Variants in NFATC2 observed in about 807,000 individuals in gnomAD.
The protein encoded by NFATC2 is nuclear factor of activated T-cells, cytoplasmic 2.
Under a neutral mutation model 87.3 loss-of-function variants are expected in NFATC2, and 22 were observed. The ratio of observed to expected loss-of-function variants is 0.25; its 90% CI spans 0.18 to 0.36. The LOEUF (loss-of-function observed/expected upper bound fraction) is 0.36. Ranked by LOEUF, NFATC2 falls within the 10% of genes least tolerant of loss-of-function variation. The pLI, the probability that NFATC2 is intolerant of heterozygous loss-of-function variation, is 1.00. For missense variants in NFATC2, 1,149 were observed against 1,259.1 expected (o/e 0.91, Z 1.32); for synonymous variants, 565 against 542.2 (o/e 1.04, Z -0.58).
chr20:51,527,567 G>T (rs928234606), intron 1 of NFATC2, among the ~76,000 whole-genome samples: 4 of 152,122 alleles, frequency 2.6e-5, no homozygotes, highest in Non-Finnish European at 5.9e-5. Flanking sequence ...ATGCCCCTAA[G>T]CACTTGGAAT....
chr20:51,492,776 T>C (rs759627042), intron 3 of NFATC2, among the ~76,000 whole-genome samples: 11 of 152,210 alleles, frequency 7.2e-5, no homozygotes, highest in African/African-American at 2.2e-4. Context: ...GCTCGGCCTG[T>C]CAAGAGGCGT....
At chr20:51,540,646 A>ATTTTTTTTTTTTTTTTTT (rs1382525277) in intron 1 of NFATC2, among the ~76,000 whole-genome samples, 2 of 58,654 alleles carry the variant, frequency 3.4e-5, no homozygotes, top group South Asian at 4.2e-4. Context: ...CAAAAACTGA[A>ATTTTTTTTTTTTTTTTTT]GTTTTTTTTT....
At chr20:51,508,245 G>A (rs1047877852) in intron 3 of NFATC2, among the ~76,000 whole-genome samples, 3 of 152,014 alleles carry the variant, frequency 2.0e-5, no homozygotes, top group African/African-American at 4.8e-5. Context: ...GTTAGCAGGC[G>A]GGCCGGTCTC....
intron 10 of NFATC2, among the ~76,000 whole-genome samples, 180 bp downstream of exon 10, chr20:51,398,463 G>T (rs1987556551): frequency 6.6e-6 from 1 of 152,156 alleles, no homozygotes. Context: ...AGATTCTCAG[G>T]GAGGTCCCCA....
At chr20:51,520,644 T>C (rs2076429515) in intron 2 of NFATC2, among the ~76,000 whole-genome samples, 1 of 150,854 alleles carries the variant, frequency 6.6e-6, no homozygotes. Context: ...TTATTTATTT[T>C]TATTTATTAT....
intron 9 of NFATC2, among the ~76,000 whole-genome samples, chr20:51,417,009 A>C (rs557839216): frequency 2.6e-5 from 4 of 152,298 alleles, no homozygotes; most frequent in African/African-American, 9.6e-5. Context: ...GAAGGAGTGA[A>C]AAGGCAGGGG....
intron 1 of NFATC2, among the ~76,000 whole-genome samples, chr20:51,540,647 G>GTTTTCTTTTTTTTTTTT (rs2076793173): frequency 8.9e-6 from 1 of 112,974 alleles, no homozygotes; most frequent in East Asian, 2.5e-4. Flanking sequence ...AAAAACTGAA[G>GTTTTCTTTTTTTTTTTT]TTTTTTTTTT....
At chr20:51,440,231 C>A (rs1227637111) in intron 6 of NFATC2, among the ~76,000 whole-genome samples, 3 of 34,938 alleles carry the variant, frequency 8.6e-5, no homozygotes, top group African/African-American at 2.5e-4. Context: ...AGCAAAACTC[C>A]ATCTCAAAAA....
chr20:51,401,544 TGTCA>T (rs1465365952), intron 9 of NFATC2, among the ~76,000 whole-genome samples: 1 of 152,112 alleles, frequency 6.6e-6, no homozygotes, highest in Non-Finnish European at 1.5e-5. Flanking sequence ...GCTGGTCAGT[TGTCA>T]GTAATATGGA....
intron 4 of NFATC2, among the ~76,000 whole-genome samples, chr20:51,475,249 G>A (rs1203653697): frequency 1.3e-5 from 2 of 152,080 alleles, no homozygotes; most frequent in African/African-American, 2.4e-5. Flanking sequence ...GATTACAGGC[G>A]CGAGCCACCA....
chr20:51,471,913 AT>A (rs1430149410), intron 5 of NFATC2, among the ~76,000 whole-genome samples: 1 of 152,216 alleles, frequency 6.6e-6, no homozygotes, highest in Non-Finnish European at 1.5e-5. Flanking sequence ...ACCATGGCAC[AT>A]GTTTACCTGT....
intron 5 of NFATC2, among the ~76,000 whole-genome samples, chr20:51,464,887 T>C (rs1987521342): frequency 6.6e-6 from 1 of 152,184 alleles, no homozygotes; most frequent in South Asian, 2.1e-4. Context: ...CAAGCTCACT[T>C]CTCCATGCTA....
rs767970949 is a variant in NFATC2 at position 51,407,881 on chromosome 20, G to A, written c.2723-9151C>T. Among the ~76,000 whole-genome samples the A allele has an allele frequency of 5.9e-4, 90 of 152,166 alleles. 1 individual carries two copies. Among genetic ancestry groups the A allele is most frequent in the Non-Finnish European group, 1.2e-3 (84 of 68,028 alleles). On this transcript the variant is annotated intron_variant, in intron 9 of 10. Transcript: ENST00000371564. ...TCTCCATCCTGAGCTTATTTCATAT[G>A]CCAACTGGGACATGGCTAGAAATTG...
At chr20:51,443,813 G>A (rs1004606219) in intron 6 of NFATC2, among the ~76,000 whole-genome samples, 4 of 152,158 alleles carry the variant, frequency 2.6e-5, no homozygotes, top group East Asian at 1.9e-4. Flanking sequence ...ACTGGCAGCC[G>A]GTGTGAAAAC....
chr20:51,454,621 G>A lies in NFATC2; in HGVS notation c.1776C>T (p.Gly592=), dbSNP rs146686251. ...RQDTDSCLVY[G]GQQMILTGQN... is the part of the protein sequence containing the mutation. ...GCCCCGTGAGGATCATTTGCTGGCC[G>A]CCATAGACCAGGCAGCTGTCTGTGT... is the stretch of plus-strand genomic sequence containing the variant. The change falls in exon 6 of 11, where the codon GGC becomes GGT. Residue 592 remains glycine, a synonymous_variant. Coordinates refer to ENST00000371564, the MANE Select transcript of NFATC2 (RefSeq NM_012340.5). The A allele has an allele frequency of 1.9e-4, 314 of 1,614,108 alleles. 1 individual carries two copies. The highest frequency in any genetic ancestry group is 1.6e-3 in the Middle Eastern group (10 of 6,062).
chr20:51,408,777 G>A (rs1379862397), intron 9 of NFATC2, among the ~76,000 whole-genome samples: 1 of 152,200 alleles, frequency 6.6e-6, no homozygotes, highest in Non-Finnish European at 1.5e-5. Flanking sequence ...CATCAAGGTA[G>A]AGAAAGATTT....
intron 9 of NFATC2, among the ~76,000 whole-genome samples, chr20:51,413,787 T>C (rs1238886528): frequency 6.6e-6 from 1 of 152,080 alleles, no homozygotes; most frequent in East Asian, 1.9e-4. Flanking sequence ...AATTTTAAAA[T>C]TAAAAACAAA....
chr20:51,473,562 G>C (rs1988433717), intron 5 of NFATC2, among the ~76,000 whole-genome samples: 1 of 152,160 alleles, frequency 6.6e-6, no homozygotes, highest in African/African-American at 2.4e-5. Flanking sequence ...CAGAGTCAAA[G>C]CTCAATGAGT....
chr20:51,449,482 G>A (rs1985506585), intron 6 of NFATC2, among the ~76,000 whole-genome samples: 1 of 152,120 alleles, frequency 6.6e-6, no homozygotes, highest in Admixed American at 6.6e-5. Flanking sequence ...GGCATGGAAG[G>A]GTCAGAAATG....
Sources: allele counts gnomAD v4.1 joint callset (sites outside exome capture counted in the v4.1 genomes callset), GRCh38; gene constraint gnomAD v4.1.1; transcripts MANE v1.5; gene names NCBI Gene and HGNC (gene_info 2026-07-23, HGNC 2026-07-21).